The following FAAP20 variants were observed in gnomAD, a reference collection of about 807,000 sequenced individuals.
FAAP20 encodes the protein FA core complex associated protein 20.
FAAP20 carries 12 observed loss-of-function variants against 16.2 expected under a neutral mutation model. That is an observed-to-expected ratio of 0.74 (90% confidence interval 0.48 to 1.20). The LOEUF is 1.20. Ranked by LOEUF, FAAP20 falls within the 50% of genes most tolerant of loss-of-function variation. The probability of loss-of-function intolerance (pLI) is 0.00; values close to 1 mark genes in which losing one functional copy is unlikely to be tolerated. For missense variants in FAAP20, 288 were observed against 245.8 expected, an observed-to-expected ratio of 1.17 and a Z score of -1.15; for synonymous variants, 141 against 110.7, an observed-to-expected ratio of 1.27 and a Z score of -1.72.
upstream of FAAP20, chr1:2,194,809 C>T: frequency 9.2e-7 from 1 of 1,090,448 alleles, no homozygotes; most frequent in Non-Finnish European, 1.1e-6. Flanking sequence ...CAGGCCCCGC[C>T]CCCGCCCCGG....
At chr1:2,198,891 G>A (rs1688931340), upstream of FAAP20, 1 of 1,289,800 alleles carries the variant, frequency 7.8e-7, no homozygotes, top group Non-Finnish European at 1.0e-6. Flanking sequence ...GCATTTATGG[G>A]ATACGGGAGT....
downstream of FAAP20, chr1:2,186,093 T>TCTGAGCTC (rs1687550976): frequency 2.2e-6 from 1 of 454,100 alleles, no homozygotes; most frequent in Non-Finnish European, 4.4e-6. Flanking sequence ...AGAGCCGTCT[T>TCTGAGCTC]CTGAGCTCCC....
chr1:2,193,292 G>A lies in FAAP20; in HGVS notation c.470+347C>T, dbSNP rs955280035. The A allele has an allele frequency of 6.1e-5, 29 of 478,014 alleles. No individual in the cohort carries two copies. In the Middle Eastern group the frequency reaches 2.8e-3, roughly 46 times the overall value. The allele number at this position is 478,014 out of a possible 1,614,324, so 29.6% of individuals were successfully genotyped here. The stretch of plus-strand genomic sequence containing the variant: ...GACGATCTTCATTTTTAAAACCCAT[G>A]ACGCACTCTCGGGAAGGTGTTCCTG... On this transcript the variant is annotated intron_variant, in intron 3 of 3. Coordinates refer to ENST00000378546, the MANE Select transcript of FAAP20 (RefSeq NM_182533.4).
downstream of FAAP20, chr1:2,185,857 A>G (rs550017975): frequency 2.5e-6 from 1 of 392,452 alleles, no homozygotes; most frequent in East Asian, 5.8e-5. Context: ...ACTGAGAGTT[A>G]GGGAAAACTA....
chr1:2,188,804 G>A (rs1440394656), downstream of FAAP20, among the ~76,000 whole-genome samples: 1 of 152,062 alleles, frequency 6.6e-6, no homozygotes, highest in Non-Finnish European at 1.5e-5. Flanking sequence ...AGGAGATCAA[G>A]ACCATCCTGG....
intron 1 of FAAP20, 27 bp from the exon 2 acceptor site, chr1:2,194,160 G>A: frequency 2.5e-6 from 4 of 1,610,792 alleles, no homozygotes; most frequent in Non-Finnish European, 3.4e-6. Context: ...GGGCAGACAG[G>A]GGGTACTCAG....
chr1:2,187,428 C>T (rs904442226), downstream of FAAP20, among the ~76,000 whole-genome samples: 1 of 152,044 alleles, frequency 6.6e-6, no homozygotes, highest in East Asian at 1.9e-4. Context: ...CCTCAGCCTC[C>T]CCAGTAGCTG....
chr1:2,198,900 G>A, upstream of FAAP20: 1 of 1,289,800 alleles, frequency 7.8e-7, no homozygotes. Flanking sequence ...GGATACGGGA[G>A]TGCCAGGCAG....
downstream of FAAP20, among the ~76,000 whole-genome samples, chr1:2,208,372 C>T (rs1689343240): frequency 1.3e-5 from 2 of 152,190 alleles, no homozygotes; most frequent in Non-Finnish European, 1.5e-5. Flanking sequence ...CTCTCTCTGC[C>T]CCCCTCCTGG....
upstream of FAAP20, among the ~76,000 whole-genome samples, chr1:2,201,471 C>G (rs1163870279): frequency 2.0e-5 from 3 of 152,170 alleles, no homozygotes; most frequent in Non-Finnish European, 4.4e-5. Context: ...TGTCAAATCT[C>G]AGCACTTTGG....
chr1:2,206,862 CT>C (rs1689278118), intron 1 of FAAP20, among the ~76,000 whole-genome samples: 1 of 151,770 alleles, frequency 6.6e-6, no homozygotes, highest in East Asian at 1.9e-4. Context: ...TCTGGGACCC[CT>C]GGCCCACGAG....
upstream of FAAP20, chr1:2,198,053 G>A: frequency 1.4e-5 from 18 of 1,291,540 alleles, no homozygotes; most frequent in Non-Finnish European, 1.7e-5. Flanking sequence ...AGCGGTGCTG[G>A]TGATGGTGAT....
At chr1:2,185,884 C>T (rs529405783), downstream of FAAP20, 82 of 360,996 alleles carry the variant, frequency 2.3e-4, no homozygotes, top group Non-Finnish European at 3.4e-4. Context: ...GTGCATGTGA[C>T]GGACCCCAGC....
intron 3 of FAAP20, chr1:2,190,483 C>A: frequency 4.5e-6 from 2 of 444,616 alleles, no homozygotes; most frequent in South Asian, 1.6e-5. Flanking sequence ...CACCTTCTAT[C>A]CCCGGCCTCA....
At chr1:2,191,511 G>C (rs1688219279) in intron 3 of FAAP20, 1 of 152,482 alleles carries the variant, frequency 6.6e-6, no homozygotes, top group Non-Finnish European at 1.5e-5. Flanking sequence ...ACTTTGGGAG[G>C]CCGAGACGGG....
downstream of FAAP20, among the ~76,000 whole-genome samples, chr1:2,209,543 C>T (rs1038113766): frequency 1.3e-5 from 2 of 152,250 alleles, no homozygotes; most frequent in African/African-American, 2.4e-5. Context: ...GGCCCAGCCC[C>T]CTGGCCTGCA....
At position 2,193,836 on chromosome 1, in the gene FAAP20, C is replaced by T. The variant is rs143443957; in HGVS notation, c.273G>A (p.Pro91=). ...AACGGCCCGGGCCCCACAGGTCCGG[C>T]GGAAAGGGTGTCCAGGAAAAGGTCT... is the stretch of plus-strand genomic sequence containing the variant. The part of the protein sequence containing the change: ...GPKTFSWTPF[P]PDLWGPGRSY... The change falls in exon 3 of 4, where the codon CCG becomes CCA. Residue 91 remains proline, a synonymous_variant. Coordinates refer to ENST00000378546, the MANE Select transcript of FAAP20 (RefSeq NM_182533.4). 561 of 1,611,700 alleles carry T rather than the reference C, an allele frequency of 3.5e-4. No individual in the cohort carries two copies. Among genetic ancestry groups the T allele is most frequent in the Non-Finnish European group, 4.3e-4 (508 of 1,179,660 alleles).
At chr1:2,188,954 G>A (rs1361715878), downstream of FAAP20, among the ~76,000 whole-genome samples, 1 of 142,468 alleles carries the variant, frequency 7.0e-6, no homozygotes, top group Non-Finnish European at 1.5e-5. Context: ...GCAGTGAGCC[G>A]AAATCGCGCC....
At chr1:2,195,758 G>A (rs1014966480), upstream of FAAP20, among the ~76,000 whole-genome samples, 2 of 152,234 alleles carry the variant, frequency 1.3e-5, no homozygotes, top group Non-Finnish European at 2.9e-5. Context: ...CCAGCCTGGA[G>A]GCCATAGGTT....
Sources: gnomAD v4.1 joint callset for allele counts (sites outside exome capture counted in the v4.1 genomes callset) on GRCh38, gnomAD v4.1.1 for gene constraint, MANE v1.5 for transcripts, NCBI Gene and HGNC (gene_info 2026-07-23, HGNC 2026-07-21) for gene names.